The following DPP10 variants were observed in gnomAD, a reference collection of about 807,000 sequenced individuals.
DPP10 encodes dipeptidyl peptidase like 10, also known as inactive dipeptidyl peptidase 10.
In DPP10, 33 loss-of-function variants were observed where a neutral mutation model predicts 120.9. The ratio of observed to expected loss-of-function variants is 0.27; its 90% confidence interval spans 0.21 to 0.37. The LOEUF is 0.37. DPP10 is among the 10% of genes least tolerant of loss of function. The pLI is 1.00. For synonymous variants in DPP10, 337 were observed against 326.1 expected (o/e 1.03, Z -0.36); for missense variants, 816 against 942.8 (o/e 0.87, Z 1.76).
intron 7 of DPP10, among the ~76,000 whole-genome samples, chr2:115,727,045 T>A (rs1292091751): frequency 1.3e-5 from 2 of 152,142 alleles, no homozygotes. Flanking sequence ...TTGAAGACAT[T>A]GTAAAGCGAA....
intron 5 of DPP10, among the ~76,000 whole-genome samples, chr2:115,668,546 T>C (rs942807346): frequency 2.0e-5 from 3 of 152,148 alleles, no homozygotes; most frequent in Non-Finnish European, 4.4e-5. Context: ...TACCCTATTA[T>C]AGCAGCAGAA....
intron 3 of DPP10, among the ~76,000 whole-genome samples, chr2:115,412,953 TTATA>T (rs952563041): frequency 6.6e-6 from 1 of 152,174 alleles, no homozygotes; most frequent in African/African-American, 2.4e-5. Context: ...TTATTTGTGT[TTATA>T]TATTTGTAAT....
intron 1 of DPP10, among the ~76,000 whole-genome samples, chr2:114,629,171 A>G (rs766634254): frequency 4.7e-5 from 7 of 149,772 alleles, no homozygotes; most frequent in Non-Finnish European, 8.8e-5. Flanking sequence ...GATAAGATAA[A>G]AGCTTTAGAG....
intron 1 of DPP10, chr2:115,144,316 T>C (rs1172042325): frequency 6.6e-6 from 1 of 152,170 alleles, no homozygotes; most frequent in East Asian, 1.9e-4. Context: ...CGGGGAAATG[T>C]ATCTTGTTCT....
intron 1 of DPP10, among the ~76,000 whole-genome samples, chr2:114,632,564 G>C (rs987077030): frequency 7.1e-6 from 1 of 140,048 alleles, no homozygotes; most frequent in African/African-American, 2.7e-5. Context: ...CCAGGCTGGA[G>C]TGTAGTGGTG....
At chr2:115,162,292 C>T (rs769699982) in intron 1 of DPP10, 17 of 1,519,732 alleles carry the variant, frequency 1.1e-5, no homozygotes, top group Admixed American at 4.4e-5. Context: ...GAAGGTGCCC[C>T]GGGGAACCCC....
intron 4 of DPP10, among the ~76,000 whole-genome samples, chr2:115,524,846 G>T (rs552266113): frequency 6.6e-6 from 1 of 152,200 alleles, no homozygotes; most frequent in South Asian, 2.1e-4. Context: ...GGTTTTTGGA[G>T]CTCTGTGCCA....
At chr2:114,766,429 T>C (rs892592644) in intron 1 of DPP10, among the ~76,000 whole-genome samples, 5 of 152,144 alleles carry the variant, frequency 3.3e-5, no homozygotes, top group Non-Finnish European at 7.4e-5. Context: ...AACCCAGCAA[T>C]CACATTCTTG....
chr2:115,820,961 C>T (rs1244579038), intron 21 of DPP10, among the ~76,000 whole-genome samples: 1 of 152,096 alleles, frequency 6.6e-6, no homozygotes, highest in Non-Finnish European at 1.5e-5. Flanking sequence ...ATAATGACTT[C>T]TTTTCCTCTG....
intron 1 of DPP10, among the ~76,000 whole-genome samples, chr2:115,126,306 C>G (rs375167337): frequency 2.0e-5 from 3 of 152,074 alleles, no homozygotes; most frequent in African/African-American, 7.2e-5. Flanking sequence ...TTCACCACAT[C>G]GCCCAGCCTG....
At chr2:114,590,473 A>G (rs1691370661) in intron 1 of DPP10, among the ~76,000 whole-genome samples, 1 of 152,226 alleles carries the variant, frequency 6.6e-6, no homozygotes. Flanking sequence ...GTTATTCACA[A>G]TGTAACAGCT....
chr2:115,843,854 A>G lies in DPP10; in HGVS notation c.*1509A>G, dbSNP rs1205062352. 1 of 152,618 alleles carries G rather than the reference A, an allele frequency of 6.6e-6. No homozygotes were observed. The highest frequency in any genetic ancestry group is 1.5e-5 in the Non-Finnish European group (1 of 68,006). The allele number at this position is 152,618 out of a possible 1,614,324, so 9.5% of individuals were successfully genotyped here. A position where few individuals can be genotyped will look rare whatever the true frequency, so the allele number is the denominator to read the frequency against. On this transcript the variant is annotated 3_prime_UTR_variant, in exon 26 of 26. Coordinates refer to ENST00000410059, the MANE Select transcript of DPP10 (RefSeq NM_020868.6). ...CAGGATACTGCATTTTTGTGGTTTT[A>G]AAAAAGTCCTTAGGACAGACTGAAT... is the stretch of plus-strand genomic sequence containing the variant.
intron 5 of DPP10, among the ~76,000 whole-genome samples, chr2:115,533,127 A>G (rs978100174): frequency 7.2e-5 from 11 of 152,224 alleles, no homozygotes; most frequent in South Asian, 2.1e-4. Flanking sequence ...TACACTGTCA[A>G]CCACTTTCTT....
chr2:115,306,081 AGTT>A (rs1252704044), intron 1 of DPP10, among the ~76,000 whole-genome samples: 3 of 151,916 alleles, frequency 2.0e-5, no homozygotes, highest in African/African-American at 7.3e-5. Context: ...TTATTATTCC[AGTT>A]GTTCAGGTAA....
intron 5 of DPP10, among the ~76,000 whole-genome samples, chr2:115,626,672 G>T (rs1575377109): frequency 6.6e-6 from 1 of 152,144 alleles, no homozygotes; most frequent in Admixed American, 6.6e-5. Flanking sequence ...TATGGAATGG[G>T]TATGTGTGGA....
At chr2:114,579,193 C>T (rs111589488) in intron 1 of DPP10, among the ~76,000 whole-genome samples, 2,416 of 152,194 alleles carry the variant, frequency 0.016, 63 homozygotes, top group African/African-American at 0.055. Flanking sequence ...CACTGGTTTC[C>T]GATATGCAGT....
At chr2:115,163,906 A>G (rs2052631117) in intron 1 of DPP10, among the ~76,000 whole-genome samples, 1 of 152,210 alleles carries the variant, frequency 6.6e-6, no homozygotes, top group African/African-American at 2.4e-5. Flanking sequence ...TCTATACACA[A>G]CAAATCCCCT....
chr2:115,160,537 G>A (rs112645525), intron 1 of DPP10, among the ~76,000 whole-genome samples: 1 of 152,062 alleles, frequency 6.6e-6, no homozygotes, highest in East Asian at 1.9e-4. Flanking sequence ...CCACCCCACT[G>A]CCCCATATTC....
intron 1 of DPP10, among the ~76,000 whole-genome samples, chr2:114,497,295 ATGTATACGTG>A (rs1204305578): frequency 1.5e-5 from 1 of 68,842 alleles, no homozygotes; most frequent in Admixed American, 1.4e-4. Context: ...ATACATGTAC[ATGTATACGTG>A]TATACATGTA....
Sources: allele counts gnomAD v4.1 joint callset (sites outside exome capture counted in the v4.1 genomes callset), GRCh38; gene constraint gnomAD v4.1.1; transcripts MANE v1.5; gene names NCBI Gene and HGNC (gene_info 2026-07-23, HGNC 2026-07-21).